The following PHACTR1 variants were observed in gnomAD, a reference collection of about 807,000 sequenced individuals.
PHACTR1 encodes phosphatase and actin regulator 1, also known as RPEL repeat containing 1.
In PHACTR1, 16 loss-of-function variants were observed where a neutral mutation model predicts 69.2. The ratio of observed to expected loss-of-function variants is 0.23; its 90% confidence interval spans 0.16 to 0.35. PHACTR1 has a LOEUF of 0.35. Ranked by LOEUF, PHACTR1 falls within the 10% of genes least tolerant of loss-of-function variation. The pLI, the probability that PHACTR1 is intolerant of heterozygous loss-of-function variation, is 1.00. For missense variants in PHACTR1, 510 were observed against 734.7 expected (o/e 0.69, Z 3.54); for synonymous variants, 312 against 284.5 (o/e 1.10, Z -0.97).
intron 4 of PHACTR1, among the ~76,000 whole-genome samples, chr6:12,941,497 C>G (rs545976988): frequency 1.3e-5 from 2 of 152,258 alleles, no homozygotes; most frequent in South Asian, 4.2e-4. Context: ...GGGGCCTCAT[C>G]ACTCAGCACA....
intron 4 of PHACTR1, among the ~76,000 whole-genome samples, chr6:12,841,569 A>T (rs1238551715): frequency 4.6e-5 from 7 of 152,374 alleles, no homozygotes; most frequent in Admixed American, 2.0e-4. Flanking sequence ...AATATTTTTT[A>T]AATGCTGATG....
rs113959573 is a variant in PHACTR1, at chr6:13,157,871, ATCTTTTCTTT to A, written c.416-2316_416-2307del. ...GCTGTGCTGCTGTGCTGCTTAGCAG[ATCTTTTCTTT>A]TCTTTTCTTTTCTTTTTTTGAGACA... On this transcript the variant is annotated intron_variant, in intron 5 of 14. Transcript: ENST00000332995. 2.8e-4 allele frequency among the ~76,000 whole-genome samples: 42 copies of A among 147,986 alleles called. No individual in the cohort carries two copies. The East Asian group carries it at 3.6e-3, about 13-fold the overall frequency.
intron 4 of PHACTR1, among the ~76,000 whole-genome samples, chr6:12,827,170 T>C (rs1776897671): frequency 6.6e-6 from 1 of 152,232 alleles, no homozygotes; most frequent in South Asian, 2.1e-4. Context: ...AAAGGACTTT[T>C]TCTATCTTTT....
At chr6:12,783,495 T>C (rs1443278147) in intron 4 of PHACTR1, among the ~76,000 whole-genome samples, 1 of 152,246 alleles carries the variant, frequency 6.6e-6, no homozygotes, top group Non-Finnish European at 1.5e-5. Context: ...GTGCAATGTT[T>C]AGGTGACAAG....
chr6:13,225,499 C>T (rs1041045506), intron 8 of PHACTR1, among the ~76,000 whole-genome samples: 3 of 152,190 alleles, frequency 2.0e-5, no homozygotes, highest in Non-Finnish European at 2.9e-5. Flanking sequence ...GAAGGTCTCT[C>T]GCTGCCCATG....
chr6:13,062,881 C>T (rs998634230), intron 5 of PHACTR1, among the ~76,000 whole-genome samples: 3 of 152,172 alleles, frequency 2.0e-5, no homozygotes, highest in African/African-American at 4.8e-5. Flanking sequence ...CCATCACTGG[C>T]ATAGCTCTTG....
chr6:13,210,744 G>A (rs1289982693), intron 8 of PHACTR1, among the ~76,000 whole-genome samples: 2 of 152,144 alleles, frequency 1.3e-5, no homozygotes, highest in Non-Finnish European at 2.9e-5. Context: ...ATGTCACACA[G>A]TAAGCAAATG....
At chr6:12,888,358 C>T (rs1195012591) in intron 4 of PHACTR1, among the ~76,000 whole-genome samples, 1 of 152,138 alleles carries the variant, frequency 6.6e-6, no homozygotes, top group African/African-American at 2.4e-5. Context: ...ACTTCCCAGC[C>T]TCCAGAACAC....
chr6:12,736,333 T>C (rs1764252186), intron 3 of PHACTR1, among the ~76,000 whole-genome samples: 1 of 152,198 alleles, frequency 6.6e-6, no homozygotes, highest in South Asian at 2.1e-4. Context: ...TGGGTTTAAT[T>C]GTGAGGTGTA....
At chr6:13,259,229 T>A (rs182717666) in intron 10 of PHACTR1, among the ~76,000 whole-genome samples, 2 of 152,348 alleles carry the variant, frequency 1.3e-5, no homozygotes, top group Non-Finnish European at 2.9e-5. Flanking sequence ...AGTGGAATCA[T>A]CCTGACATGG....
chr6:13,140,431 A>G (rs1458556751), intron 5 of PHACTR1, among the ~76,000 whole-genome samples: 1 of 152,252 alleles, frequency 6.6e-6, no homozygotes, highest in East Asian at 1.9e-4. Context: ...GCCTATATAT[A>G]CAATGGAGTA....
chr6:13,178,194 A>G (rs909854982), intron 6 of PHACTR1, among the ~76,000 whole-genome samples: 8 of 152,178 alleles, frequency 5.3e-5, no homozygotes, highest in African/African-American at 1.9e-4. Context: ...TCTGCCTCTG[A>G]AACACATTTT....
At chr6:12,801,554 G>C (rs1334800332) in intron 4 of PHACTR1, among the ~76,000 whole-genome samples, 4 of 152,182 alleles carry the variant, frequency 2.6e-5, no homozygotes, top group African/African-American at 9.6e-5. Context: ...CTATGACGGG[G>C]TATGGATGGC....
At chr6:12,924,282 A>G (rs766382816) in intron 4 of PHACTR1, among the ~76,000 whole-genome samples, 1 of 152,216 alleles carries the variant, frequency 6.6e-6, no homozygotes, top group Admixed American at 6.5e-5. Flanking sequence ...ATATGCCAAC[A>G]TGTGTTAATT....
chr6:12,838,450 C>A (rs1778378017), intron 4 of PHACTR1, among the ~76,000 whole-genome samples: 1 of 152,160 alleles, frequency 6.6e-6, no homozygotes, highest in African/African-American at 2.4e-5. Flanking sequence ...CCAGCAAAAT[C>A]TTGTCTATTC....
chr6:13,114,448 C>G (rs1817514827), intron 5 of PHACTR1, among the ~76,000 whole-genome samples: 1 of 152,106 alleles, frequency 6.6e-6, no homozygotes, highest in Non-Finnish European at 1.5e-5. Context: ...CTCCTTTCCC[C>G]AAGGGAAACG....
chr6:13,177,172 TA>T (rs530741132), intron 6 of PHACTR1, among the ~76,000 whole-genome samples: 1,940 of 63,134 alleles, frequency 0.031, 35 homozygotes, highest in African/African-American at 0.13. Flanking sequence ...ACCCCATCTC[TA>T]AAAAAAAAAA....
In PHACTR1 at chr6:12,864,611, C is replaced by T. The variant is rs1226971042; in HGVS notation, c.250+114821C>T. On this transcript the variant is annotated intron_variant, in intron 4 of 14. Transcript: ENST00000332995. ...AGGAGAATGGCGTGAACCCAGGAGG[C>T]GAAGCTTGCAGTGAGCTGAGATTGC... Among the ~76,000 whole-genome samples, 12 of 151,172 alleles carry T rather than the reference C, an allele frequency of 7.9e-5. No individual in the cohort carries two copies. The South Asian group carries it at 2.3e-3, about 29-fold the overall frequency.
At chr6:13,048,199 C>T (rs950101910) in intron 4 of PHACTR1, among the ~76,000 whole-genome samples, 1 of 152,180 alleles carries the variant, frequency 6.6e-6, no homozygotes, top group Non-Finnish European at 1.5e-5. Context: ...TTGCCCATGG[C>T]TCTCTCCTCA....
Sources: gnomAD v4.1 joint callset for allele counts (sites outside exome capture counted in the v4.1 genomes callset) on GRCh38, gnomAD v4.1.1 for gene constraint, MANE v1.5 for transcripts, NCBI Gene and HGNC (gene_info 2026-07-23, HGNC 2026-07-21) for gene names.